ABCC5: variants seen among roughly 807,000 people sequenced by gnomAD.
ABCC5 encodes the protein ATP-binding cassette sub-family C member 5.
In ABCC5, 61 loss-of-function variants were observed where a neutral mutation model predicts 160.9. The ratio of observed to expected loss-of-function variants is 0.38; its 90% CI spans 0.31 to 0.47. The LOEUF (loss-of-function observed/expected upper bound fraction) is 0.47, where lower values mean the gene tolerates loss of function less well. ABCC5 is among the 20% of genes least tolerant of loss of function. The pLI, the probability that ABCC5 is intolerant of heterozygous loss-of-function variation, is 0.99. For missense variants in ABCC5, 1,308 were observed against 1,813.3 expected (o/e 0.72, Z 5.06); for synonymous variants, 666 against 700.6 (o/e 0.95, Z 0.78).
chr3:183,925,716 G>A lies in ABCC5; in HGVS notation c.4051C>T (p.Leu1351=). ...GCAGCTGTGGCTTCATCTAAAATCA[G>A]AATCTGCCAGAGAAGCAGAGGAGAA... The part of the protein sequence containing the change: ...ARALLRHCKI[L]ILDEATAAMD... Residue 1351 remains leucine, a synonymous_variant, in exon 29 of 30, where the codon CTG becomes TTG. Transcript: ENST00000334444. The A allele has an allele frequency of 6.2e-7, 1 of 1,612,194 alleles. No individual in the cohort carries two copies. The highest frequency in any genetic ancestry group is 1.1e-5 in the South Asian group (1 of 90,840).
At chr3:183,991,493 A>G (rs74663156) in intron 2 of ABCC5, among the ~76,000 whole-genome samples, 2,675 of 152,348 alleles carry the variant, frequency 0.018, 97 homozygotes, top group African/African-American at 0.061. Flanking sequence ...CTGAACGGGT[A>G]GAATTTTGTA....
intron 2 of ABCC5, among the ~76,000 whole-genome samples, chr3:184,010,849 G>A (rs1193109594): frequency 2.0e-5 from 3 of 148,218 alleles, no homozygotes; most frequent in Non-Finnish European, 1.5e-5. Flanking sequence ...CCAGGCTGGA[G>A]TGCAATGGCG....
At chr3:183,952,979 CTTCTT>C in intron 18 of ABCC5, 102 bp downstream of exon 18, 1 of 1,276,866 alleles carries the variant, frequency 7.8e-7, no homozygotes, top group African/African-American at 1.5e-5. Flanking sequence ...CTCTTTACAG[CTTCTT>C]TTAAGTGAAA....
rs775292608 is a variant in ABCC5, at chr3:183,965,427, A to T, written c.1908T>A (p.Asn636Lys). 3.7e-6 allele frequency: 6 copies of T among 1,613,912 alleles called. No homozygotes were observed. The highest frequency in any genetic ancestry group is 5.1e-6 in the Non-Finnish European group (6 of 1,180,020). Residue 636 changes from asparagine to lysine, a missense_variant, in exon 13 of 30, where the codon AAT (asparagine) becomes AAA (lysine). By Grantham distance (94) the Asn-to-Lys change is moderately conservative. Coordinates refer to ENST00000334444, the MANE Select transcript of ABCC5 (RefSeq NM_005688.4). ...AYVAQQAWILNATLRDNILFG... is the reference protein window; with the variant it reads ...AYVAQQAWILKATLRDNILFG... The stretch of plus-strand genomic sequence containing the variant: ...ACAGGATGTTGTCTCTCAGAGTAGC[A>T]TTGAGGATCCAGGCCTGCTGGGCCA...
chr3:183,949,840 T>C lies in ABCC5; in HGVS notation c.3140A>G (p.Gln1047Arg). Residue 1047 changes from glutamine to arginine, a missense_variant, in exon 22 of 30, where the codon CAG (glutamine) becomes CGG (arginine). By Grantham distance (43) the Gln-to-Arg change is conservative (BLOSUM62 1). Around this residue, in one of 3 missense-constraint regions of ABCC5, gnomAD observed 1,142 missense variants for 1,527.1 expected, o/e 0.75. Coordinates refer to ENST00000334444, the MANE Select transcript of ABCC5 (RefSeq NM_005688.4). The surrounding 1 kb of genome is among the most constrained non-coding windows in gnomAD (Gnocchi z 4.2). ...RELKRLDNIT[Q>R]SPFLSHITSS... is the part of the protein sequence containing the mutation. ...CGTGATGTGGGAGAGGAAAGGTGAC[T>C]GCGTGATATTGTCCAGACGCTTCAG... 6.2e-7 allele frequency: 1 copy of C among 1,614,214 alleles called. No individual in the cohort carries two copies. The highest frequency in any genetic ancestry group is 8.5e-7 in the Non-Finnish European group (1 of 1,180,038).
intron 5 of ABCC5, chr3:183,985,008 G>A (rs1380742001): frequency 2.2e-6 from 2 of 892,116 alleles, no homozygotes; most frequent in South Asian, 1.5e-5. Flanking sequence ...GAGCAGGGAA[G>A]GTAAAAGACA....
At position 183,921,258 on chromosome 3, in the gene ABCC5, G is replaced by T; in HGVS notation, c.*42C>A. The T allele has an allele frequency of 8.3e-7, 1 of 1,205,532 alleles. No homozygotes were observed. The highest frequency in any genetic ancestry group is 1.2e-6 in the Non-Finnish European group (1 of 827,642). 74.7% of individuals were successfully genotyped at this position (1,205,532 alleles called of 1,614,324 possible). A position where few individuals can be genotyped will look rare whatever the true frequency, so the allele number is the denominator to read the frequency against. On this transcript the variant is annotated 3_prime_UTR_variant, in exon 30 of 30. Coordinates refer to ENST00000334444, the MANE Select transcript of ABCC5 (RefSeq NM_005688.4). This position sits in a 1 kb window ranked among gnomAD's most constrained non-coding sequence, Gnocchi z 4.1. ...GAGGGGCCCGCCCCAGGCAGGGAAT[G>T]GCAATGCTCTAAAGAAAAGAGACTT...
intron 12 of ABCC5, among the ~76,000 whole-genome samples, chr3:183,966,518 G>C (rs1469969410): frequency 6.6e-6 from 1 of 152,186 alleles, no homozygotes; most frequent in African/African-American, 2.4e-5. Flanking sequence ...CCTAACCACT[G>C]CCTAGTCAAC....
Position 183,951,377 on chromosome 3 carries a change from T to C in ABCC5, c.2944+64A>G, listed in dbSNP as rs554720234. 1 of 1,578,398 alleles carries C rather than the reference T, an allele frequency of 6.3e-7. No individual in the cohort carries two copies. Among genetic ancestry groups the C allele is most frequent in the South Asian group, 1.2e-5 (1 of 84,696 alleles). ...CAGACAGATCTGCACATTTGGAGAA[T>C]CATCTAGAAGGCTGGAAGCACAGTG... On this transcript the variant is annotated intron_variant, in intron 20 of 29. Coordinates refer to ENST00000334444, the MANE Select transcript of ABCC5 (RefSeq NM_005688.4). This position sits in a 1 kb window ranked among gnomAD's most constrained non-coding sequence, Gnocchi z 4.7.
At chr3:184,008,864 T>A (rs1482727461) in intron 2 of ABCC5, among the ~76,000 whole-genome samples, 1 of 151,850 alleles carries the variant, frequency 6.6e-6, no homozygotes, top group Non-Finnish European at 1.5e-5. Context: ...CTTTCTTTAT[T>A]TTTTTTTGGT....
rs1719446430 is a variant in ABCC5, at chr3:183,988,672, G to A, written c.343C>T (p.Leu115Phe). 1 of 1,614,222 alleles carries A rather than the reference G, an allele frequency of 6.2e-7. No individual in the cohort carries two copies. The highest frequency in any genetic ancestry group is 8.5e-7 in the Non-Finnish European group (1 of 1,180,034). ...TGGGCCACACGGGCCAGAGAAGAAA[G>A]CCACGAAAAAGTCATACAGGAAAAA... ...GLFSCMTFSW[L>F]SSLARVAHKK... Residue 115 changes from leucine to phenylalanine, a missense_variant, in exon 4 of 30, where the codon CTT becomes TTT. This residue lies in a region of ABCC5 where 1,142 missense variants were observed against 1,527.1 expected (regional missense o/e 0.75). Transcript: ENST00000334444. The surrounding 1 kb of genome is among the most constrained non-coding windows in gnomAD (Gnocchi z 4.4).
Position 183,987,072 on chromosome 3 carries a change from T to C in ABCC5, c.591+698A>G, listed in dbSNP as rs1358362872. 1.3e-5 allele frequency: 2 copies of C among 155,578 alleles called. No homozygotes were observed. Among genetic ancestry groups the C allele is most frequent in the Non-Finnish European group, 2.8e-5 (2 of 70,210 alleles). 9.6% of individuals were successfully genotyped at this position (155,578 alleles called of 1,614,324 possible). A position where few individuals can be genotyped will look rare whatever the true frequency, so the allele number is the denominator to read the frequency against. The stretch of plus-strand genomic sequence containing the variant: ...AAACGCACAGTACAAGCAGTACTAC[T>C]GCTCCGATGCCTCAAGGCAAATGTG... On this transcript the variant is annotated intron_variant, in intron 5 of 29. Coordinates refer to ENST00000334444, the MANE Select transcript of ABCC5 (RefSeq NM_005688.4). The surrounding 1 kb of genome is among the most constrained non-coding windows in gnomAD (Gnocchi z 4.2).
intron 23 of ABCC5, 77 bp downstream of exon 23, chr3:183,947,247 C>T (rs753406121): frequency 1.6e-5 from 23 of 1,410,680 alleles, no homozygotes; most frequent in Non-Finnish European, 2.2e-5. Context: ...TGGAGCCCCC[C>T]ACAATCATCC....
chr3:183,953,060 A>G, intron 18 of ABCC5, 26 bp downstream of exon 18: 1 of 1,602,378 alleles, frequency 6.2e-7, no homozygotes, highest in South Asian at 1.1e-5. Context: ...TAGACACAGA[A>G]CTTTCCCATT....
Position 183,982,761 on chromosome 3 carries a change from A to C in ABCC5, c.825+13T>G, listed in dbSNP as rs748825441. On this transcript the variant is annotated intron_variant, in intron 6 of 29. Coordinates refer to ENST00000334444, the MANE Select transcript of ABCC5 (RefSeq NM_005688.4). The surrounding 1 kb of genome is among the most constrained non-coding windows in gnomAD (Gnocchi z 5.2). ...AGTTGCTCTCTGCTGTGAAGCAAAC[A>C]CCCCTCACTCACCTCACCCAGGGAT... is the stretch of plus-strand genomic sequence containing the variant. 1.5e-5 allele frequency: 25 copies of C among 1,613,002 alleles called. No homozygotes were observed. The highest frequency in any genetic ancestry group is 1.3e-4 in the South Asian group (12 of 91,044).
intron 8 of ABCC5, among the ~76,000 whole-genome samples, chr3:183,981,223 A>C (rs1407527163): frequency 3.3e-5 from 5 of 152,124 alleles, no homozygotes; most frequent in Non-Finnish European, 4.4e-5. Flanking sequence ...TGAATGCCCC[A>C]TCTGTGCCAT....
At chr3:183,956,682 T>C (rs1716036917) in intron 17 of ABCC5, among the ~76,000 whole-genome samples, 1 of 107,012 alleles carries the variant, frequency 9.3e-6, no homozygotes, top group Non-Finnish European at 1.9e-5. Context: ...ATCATATAGG[T>C]TACATGCAGA....
intron 5 of ABCC5, chr3:183,985,176 C>A: frequency 4.3e-6 from 4 of 921,240 alleles, no homozygotes; most frequent in Non-Finnish European, 3.3e-6. Context: ...AAAAATCCAA[C>A]CAAAATTTAG....
In ABCC5 at chr3:183,988,527, GC is replaced by G. The variant is rs750885439; in HGVS notation, c.443+44del. 4 of 1,577,394 alleles carry G rather than the reference GC, an allele frequency of 2.5e-6. No homozygotes were observed. The highest frequency in any genetic ancestry group is 2.6e-6 in the Non-Finnish European group (3 of 1,165,514). On this transcript the variant is annotated intron_variant, in intron 4 of 29. Transcript: ENST00000334444. This position sits in a 1 kb window ranked among gnomAD's most constrained non-coding sequence, Gnocchi z 4.4. ...ACTTCACACTCCTAGCTCAGGCCCT[GC>G]CCACCCGGCATGGGGGAGATGAGGG...
Sources: allele counts gnomAD v4.1 joint callset (sites outside exome capture counted in the v4.1 genomes callset), GRCh38; gene constraint gnomAD v4.1.1; regional missense constraint gnomAD v4.1.1; non-coding constraint Gnocchi (gnomAD v3.1); transcripts MANE v1.5; gene names NCBI Gene and HGNC (gene_info 2026-07-23, HGNC 2026-07-21).